The following NAALADL2 variants were observed in gnomAD, a reference collection of about 807,000 sequenced individuals.
NAALADL2 encodes N-acetylated alpha-linked acidic dipeptidase like 2.
In NAALADL2, 76 loss-of-function variants were observed where a neutral mutation model predicts 87.2. That is an observed-to-expected ratio of 0.87 (90% CI 0.72 to 1.05). NAALADL2 has a LOEUF of 1.05. Ranked by LOEUF, NAALADL2 falls within the 50% of genes least tolerant of loss-of-function variation. The pLI is 0.00. For synonymous variants in NAALADL2, 354 were observed against 331.0 expected, an observed-to-expected ratio of 1.07 and a Z score of -0.75; for missense variants, 1,089 against 945.8, an observed-to-expected ratio of 1.15 and a Z score of -1.99.
intron 11 of NAALADL2, among the ~76,000 whole-genome samples, chr3:175,713,456 A>G (rs537077395): frequency 6.6e-6 from 1 of 152,226 alleles, no homozygotes; most frequent in Non-Finnish European, 1.5e-5. Flanking sequence ...AATGTCTTTT[A>G]CTGCCCTGAA....
intron 2 of NAALADL2, among the ~76,000 whole-genome samples, chr3:174,674,082 G>A (rs560728933): frequency 5.9e-5 from 9 of 152,096 alleles, no homozygotes; most frequent in African/African-American, 1.9e-4. Context: ...CATCTGCTTA[G>A]GTTCTGGGGA....
chr3:175,103,749 A>T (rs9869809), intron 2 of NAALADL2, among the ~76,000 whole-genome samples: 86,325 of 151,912 alleles, frequency 0.57, 24,878 homozygotes, highest in African/African-American at 0.67. Flanking sequence ...TCCATAATTT[A>T]ACCGGGACAA....
At chr3:175,281,186 T>G (rs1483571887) in intron 4 of NAALADL2, among the ~76,000 whole-genome samples, 1 of 151,574 alleles carries the variant, frequency 6.6e-6, no homozygotes, top group African/African-American at 2.4e-5. Context: ...ATTTAGTTAT[T>G]TTTTAGAACT....
chr3:175,067,287 T>C (rs916935402), intron 1 of NAALADL2, among the ~76,000 whole-genome samples: 2 of 152,228 alleles, frequency 1.3e-5, no homozygotes, highest in South Asian at 2.1e-4. Flanking sequence ...CAAAAGAAGC[T>C]ATCAGCAGAG....
At chr3:174,533,539 T>C (rs1721436978) in intron 1 of NAALADL2, among the ~76,000 whole-genome samples, 1 of 152,028 alleles carries the variant, frequency 6.6e-6, no homozygotes, top group African/African-American at 2.4e-5. Context: ...GGTGAATATT[T>C]CTGAAATTAT....
At chr3:175,443,817 A>G (rs1353973142) in intron 5 of NAALADL2, among the ~76,000 whole-genome samples, 1 of 150,300 alleles carries the variant, frequency 6.7e-6, no homozygotes, top group Non-Finnish European at 1.5e-5. Context: ...CAGTGATTTT[A>G]CATAGTGATA....
chr3:174,770,378 G>A (rs529630107), intron 3 of NAALADL2, among the ~76,000 whole-genome samples: 13 of 152,210 alleles, frequency 8.5e-5, no homozygotes, highest in African/African-American at 3.1e-4. Context: ...AGTTCTGAAG[G>A]CCTGAATTCT....
At chr3:174,768,659 A>G (rs1714159238) in intron 3 of NAALADL2, among the ~76,000 whole-genome samples, 1 of 152,186 alleles carries the variant, frequency 6.6e-6, no homozygotes, top group Non-Finnish European at 1.5e-5. Flanking sequence ...ACATGAGCAG[A>G]TTATAAAATA....
chr3:175,413,127 GAT>G (rs1713903212), intron 5 of NAALADL2, among the ~76,000 whole-genome samples: 2 of 143,896 alleles, frequency 1.4e-5, no homozygotes, highest in African/African-American at 5.1e-5. Context: ...CTGACCTCGT[GAT>G]CTGCCCGCCT....
intron 5 of NAALADL2, among the ~76,000 whole-genome samples, chr3:175,440,676 T>G (rs147957315): frequency 6.6e-6 from 1 of 152,126 alleles, no homozygotes; most frequent in South Asian, 2.1e-4. Context: ...CTTGATTCGA[T>G]TCTCAGCTTG....
chr3:174,683,607 G>A lies in NAALADL2; in HGVS notation c.-114-54034G>A, dbSNP rs181185294. ...GATAAGCAGATTTTAGGTAGATAGAGTAAGAAATTAACAGAACTTCTGGTG... is the reference window on the plus strand; with the variant it reads ...GATAAGCAGATTTTAGGTAGATAGAATAAGAAATTAACAGAACTTCTGGTG... On this transcript the variant is annotated intron_variant, in intron 2 of 3. Transcript: ENST00000434257. Among the ~76,000 whole-genome samples the A allele has an allele frequency of 2.7e-5, 4 of 149,800 alleles. No individual in the cohort carries two copies. In the Admixed American group the frequency reaches 2.7e-4, roughly 10 times the overall value.
At chr3:174,466,628 C>T (rs949680283) in intron 1 of NAALADL2, among the ~76,000 whole-genome samples, 1 of 152,120 alleles carries the variant, frequency 6.6e-6, no homozygotes, top group Non-Finnish European at 1.5e-5. Flanking sequence ...TGTAGTATTC[C>T]TGTTTTCCTG....
intron 3 of NAALADL2, among the ~76,000 whole-genome samples, chr3:174,805,827 G>A (rs976246049): frequency 2.0e-5 from 3 of 152,198 alleles, no homozygotes; most frequent in East Asian, 1.9e-4. Context: ...GAAAAATTCT[G>A]CTTCATTTAT....
intron 1 of NAALADL2, among the ~76,000 whole-genome samples, chr3:174,918,908 A>G (rs1230063578): frequency 1.3e-5 from 2 of 152,034 alleles, no homozygotes; most frequent in Non-Finnish European, 2.9e-5. Flanking sequence ...TTTAATATTG[A>G]TGTTCAGATC....
intron 1 of NAALADL2, among the ~76,000 whole-genome samples, chr3:174,957,965 T>C (rs1007757626): frequency 1.3e-5 from 2 of 151,986 alleles, no homozygotes; most frequent in East Asian, 1.9e-4. Context: ...AGTTTGTTAA[T>C]GTAGTTTCCT....
At chr3:175,078,703 C>G (rs185977324) in intron 1 of NAALADL2, among the ~76,000 whole-genome samples, 22 of 152,312 alleles carry the variant, frequency 1.4e-4, no homozygotes, top group African/African-American at 4.8e-4. Flanking sequence ...TCTTTTGTGA[C>G]TGACTTCTTT....
At chr3:174,610,925 A>G (rs1388954757) in intron 2 of NAALADL2, among the ~76,000 whole-genome samples, 1 of 152,168 alleles carries the variant, frequency 6.6e-6, no homozygotes, top group Non-Finnish European at 1.5e-5. Context: ...CAAATGTCCA[A>G]CAGTGATAGA....
chr3:174,692,468 A>G (rs1232328154), intron 2 of NAALADL2, among the ~76,000 whole-genome samples: 1 of 152,166 alleles, frequency 6.6e-6, no homozygotes, highest in East Asian at 1.9e-4. Context: ...AACTTAAAAC[A>G]ATTTCCATAA....
chr3:174,635,807 T>A (rs1322212888), intron 2 of NAALADL2, among the ~76,000 whole-genome samples: 1 of 152,078 alleles, frequency 6.6e-6, no homozygotes, highest in Non-Finnish European at 1.5e-5. Context: ...CTGGACGATA[T>A]TCACATTGTT....
Sources: allele counts gnomAD v4.1 joint callset (sites outside exome capture counted in the v4.1 genomes callset), GRCh38; gene constraint gnomAD v4.1.1; transcripts MANE v1.5; gene names NCBI Gene and HGNC (gene_info 2026-07-23, HGNC 2026-07-21).